The following DOCK4 variants were observed in gnomAD, a reference collection of about 807,000 sequenced individuals.
DOCK4 encodes the protein dedicator of cytokinesis 4, also known as dedicator of cytokinesis protein 4.
A neutral mutation model predicts 268.1 loss-of-function variants in DOCK4; 97 were observed. The ratio of observed to expected loss-of-function variants is 0.36; its 90% confidence interval spans 0.31 to 0.43. The LOEUF is 0.43. DOCK4 is among the 20% of genes least tolerant of loss of function. DOCK4 has a pLI of 1.00. For synonymous variants in DOCK4, 954 were observed against 887.2 expected (o/e 1.08, Z -1.34); for missense variants, 2,145 against 2,455.7 (o/e 0.87, Z 2.67).
At chr7:111,943,513 T>G (rs535910397) in intron 10 of DOCK4, among the ~76,000 whole-genome samples, 1 of 152,208 alleles carries the variant, frequency 6.6e-6, no homozygotes, top group African/African-American at 2.4e-5. Context: ...TAAAACCACA[T>G]TTTACTTTAA....
At chr7:112,158,081 G>A (rs1327525941) in intron 1 of DOCK4, among the ~76,000 whole-genome samples, 1 of 152,206 alleles carries the variant, frequency 6.6e-6, no homozygotes, top group African/African-American at 2.4e-5. Flanking sequence ...TGGAAGCCCA[G>A]GTTAAAATTC....
chr7:112,114,484 A>T (rs556187076), intron 1 of DOCK4, among the ~76,000 whole-genome samples: 1 of 152,378 alleles, frequency 6.6e-6, no homozygotes, highest in African/African-American at 2.4e-5. Context: ...GTCAAACACC[A>T]AAGTCTGAGT....
intron 1 of DOCK4, among the ~76,000 whole-genome samples, chr7:112,146,845 T>C (rs563063718): frequency 2.0e-5 from 3 of 152,118 alleles, no homozygotes; most frequent in Non-Finnish European, 4.4e-5. Context: ...TTGTAATAAT[T>C]TAGACGAGTG....
chr7:111,757,565 G>A (rs1797116970), intron 41 of DOCK4, among the ~76,000 whole-genome samples: 4 of 152,166 alleles, frequency 2.6e-5, no homozygotes, highest in African/African-American at 7.2e-5. Flanking sequence ...TCCCATTGTT[G>A]TTTTCCAGTG....
chr7:111,975,072 G>C (rs1798063053), intron 8 of DOCK4, among the ~76,000 whole-genome samples: 1 of 152,150 alleles, frequency 6.6e-6, no homozygotes, highest in Non-Finnish European at 1.5e-5. Context: ...TTCAAGACCA[G>C]CCCGGCCAAC....
intron 13 of DOCK4, among the ~76,000 whole-genome samples, chr7:111,902,436 A>G (rs1791221753): frequency 6.6e-6 from 1 of 152,230 alleles, no homozygotes; most frequent in Non-Finnish European, 1.5e-5. Context: ...ATGTACATAT[A>G]TACTGTCGAT....
At chr7:111,859,232 C>A (rs1805280768) in intron 23 of DOCK4, among the ~76,000 whole-genome samples, 5 of 152,128 alleles carry the variant, frequency 3.3e-5, no homozygotes, top group Admixed American at 3.3e-4. Context: ...TTAATTTCAG[C>A]CCATTGAGAA....
intron 1 of DOCK4, among the ~76,000 whole-genome samples, chr7:112,029,894 C>A (rs1803127946): frequency 1.3e-5 from 2 of 152,166 alleles, no homozygotes; most frequent in South Asian, 2.1e-4. Context: ...ATATTCATGA[C>A]AATTAAATAG....
At chr7:111,901,171 T>C (rs1481155233) in intron 14 of DOCK4, among the ~76,000 whole-genome samples, 1 of 151,934 alleles carries the variant, frequency 6.6e-6, no homozygotes, top group Non-Finnish European at 1.5e-5. Flanking sequence ...CTGTCTCTAC[T>C]AAAAATACAA....
chr7:111,824,296 A>AT (rs1451959693), intron 26 of DOCK4, among the ~76,000 whole-genome samples: 2 of 152,112 alleles, frequency 1.3e-5, no homozygotes, highest in East Asian at 3.8e-4. Context: ...ACTCAGACAT[A>AT]TATATGTATA....
chr7:111,930,999 A>G (rs1005303391), intron 12 of DOCK4, among the ~76,000 whole-genome samples: 1 of 152,202 alleles, frequency 6.6e-6, no homozygotes, highest in Non-Finnish European at 1.5e-5. Flanking sequence ...GGTTTGCCTC[A>G]GCTTGAGAGA....
At chr7:111,983,862 G>GCGCGCGCGCACACACACACACACA in intron 7 of DOCK4, among the ~76,000 whole-genome samples, 5 of 138,648 alleles carry the variant, frequency 3.6e-5, no homozygotes, top group African/African-American at 1.4e-4. Context: ...GCGCGCGCGC[G>GCGCGCGCGCACACACACACACACA]CACACACACA....
intron 1 of DOCK4, among the ~76,000 whole-genome samples, chr7:112,004,487 G>A (rs1800693632): frequency 6.6e-6 from 1 of 152,096 alleles, no homozygotes; most frequent in African/African-American, 2.4e-5. Flanking sequence ...CCAAATGCCG[G>A]GCCCATAGTA....
At chr7:111,930,588 C>T (rs1183519646) in intron 12 of DOCK4, among the ~76,000 whole-genome samples, 3 of 152,204 alleles carry the variant, frequency 2.0e-5, no homozygotes, top group Non-Finnish European at 2.9e-5. Context: ...TTTGACTGCA[C>T]TGCTTCCATT....
rs558604978 is a variant in DOCK4 at position 111,934,738 on chromosome 7, A to G, written c.1066+802T>C. ...TTTTTTTTAGTAGAGATGAGGTTTC[A>G]CCGTGTTAGCCAGGATGGTCTCGAT... On this transcript the variant is annotated intron_variant, in intron 12 of 52. Transcript: ENST00000428084. Among the ~76,000 whole-genome samples the G allele has an allele frequency of 4.3e-3, 611 of 142,818 alleles. 5 individuals carry two copies. Among genetic ancestry groups the G allele is most frequent in the Non-Finnish European group, 4.9e-3 (320 of 65,870 alleles). The allele number at this position is 142,818 out of a possible 152,430, so 93.7% of individuals were successfully genotyped here.
At chr7:111,835,421 T>C (rs941533918) in intron 25 of DOCK4, among the ~76,000 whole-genome samples, 3 of 152,200 alleles carry the variant, frequency 2.0e-5, no homozygotes, top group African/African-American at 7.2e-5. Flanking sequence ...ATGTGATTTG[T>C]AACCATAAAT....
chr7:111,943,249 T>C (rs1402039405), intron 10 of DOCK4, among the ~76,000 whole-genome samples: 1 of 152,162 alleles, frequency 6.6e-6, no homozygotes, highest in Admixed American at 6.5e-5. Flanking sequence ...AAAAGTGCAA[T>C]TACAAATCAA....
intron 13 of DOCK4, among the ~76,000 whole-genome samples, chr7:111,907,088 G>A (rs563787012): frequency 6.6e-6 from 1 of 152,286 alleles, no homozygotes; most frequent in Non-Finnish European, 1.5e-5. Flanking sequence ...ACTGGAGACT[G>A]AAACAGAGCA....
rs36043991 is a variant in DOCK4 at position 112,109,744 on chromosome 7, C to CT, written c.37+96357dup. Among the ~76,000 whole-genome samples the CT allele has an allele frequency of 2.3e-3, 264 of 115,166 alleles. 3 individuals carry two copies. Among genetic ancestry groups the CT allele is most frequent in the South Asian group, 5.3e-3 (19 of 3,606 alleles). 75.6% of individuals were successfully genotyped at this position (115,166 alleles called of 152,430 possible). ...TTTTTTTAAGCTGCAGTAAAATCAT[C>CT]TTTTTTTTTTTTTTTTTTGAGACGG... On this transcript the variant is annotated intron_variant, in intron 1 of 52. Transcript: ENST00000428084.
Sources: allele counts gnomAD v4.1 joint callset (sites outside exome capture counted in the v4.1 genomes callset), GRCh38; gene constraint gnomAD v4.1.1; transcripts MANE v1.5; gene names NCBI Gene and HGNC (gene_info 2026-07-23, HGNC 2026-07-21).